The following RECK variants were observed in gnomAD, a reference collection of about 807,000 sequenced individuals.
The protein encoded by RECK is reversion-inducing cysteine-rich protein with Kazal motifs.
RECK carries 69 observed loss-of-function variants against 115.1 expected under a neutral mutation model. That is an observed-to-expected ratio of 0.60 (90% CI 0.49 to 0.73). RECK has a LOEUF of 0.73. Ranked by LOEUF, RECK falls within the 30% of genes least tolerant of loss-of-function variation. RECK has a pLI of 0.00. For missense variants in RECK, 1,047 were observed against 1,203.7 expected, an observed-to-expected ratio of 0.87 and a Z score of 1.93; for synonymous variants, 414 against 419.7, an observed-to-expected ratio of 0.99 and a Z score of 0.17.
At chr9:36,114,789 A>T (rs1206329899) in intron 16 of RECK, among the ~76,000 whole-genome samples, 1 of 151,990 alleles carries the variant, frequency 6.6e-6, no homozygotes, top group African/African-American at 2.4e-5. Context: ...AGGCTGCAGT[A>T]AGCCGAGATG....
chr9:36,104,133 C>T (rs574607585), intron 12 of RECK, among the ~76,000 whole-genome samples: 1 of 151,150 alleles, frequency 6.6e-6, no homozygotes, highest in South Asian at 2.1e-4. Flanking sequence ...TATGATAAAA[C>T]ACGCTAAATT....
At chr9:36,076,963 T>C (rs1193153896) in intron 6 of RECK, among the ~76,000 whole-genome samples, 1 of 152,176 alleles carries the variant, frequency 6.6e-6, no homozygotes, top group Non-Finnish European at 1.5e-5. Context: ...CTCTGCCCTT[T>C]GCTTGCTTAT....
rs1166101085 is a variant in RECK at position 36,036,917 on chromosome 9, GAGCGGCGGCGGT to G, written c.-72_-61del. On this transcript the variant is annotated 5_prime_UTR_variant, in exon 1 of 21. Coordinates refer to ENST00000377966, the MANE Select transcript of RECK (RefSeq NM_021111.3). Reference sequence around the variant, plus strand: ...GGGCGCTGGGGGCGGGGCCTCGCGCGAGCGGCGGCGGTAGCGGCGGCAGCGGCTGCGGCCAAG... The same window carrying G: ...GGGCGCTGGGGGCGGGGCCTCGCGCGAGCGGCGGCAGCGGCTGCGGCCAAG... 3 of 910,030 alleles carry G rather than the reference GAGCGGCGGCGGT, an allele frequency of 3.3e-6. No individual in the cohort carries two copies. The highest frequency in any genetic ancestry group is 3.6e-5 in the East Asian group (1 of 27,746). 56.4% of individuals were successfully genotyped at this position (910,030 alleles called of 1,614,324 possible).
intron 10 of RECK, 46 bp downstream of exon 10, chr9:36,091,389 T>G (rs1257555744): frequency 1.5e-6 from 2 of 1,310,950 alleles, no homozygotes; most frequent in African/African-American, 3.1e-5. Context: ...TTATCATTAA[T>G]TATAAATAAG....
intron 1 of RECK, among the ~76,000 whole-genome samples, chr9:36,051,900 C>T (rs1419749201): frequency 6.6e-6 from 1 of 152,150 alleles, no homozygotes; most frequent in African/African-American, 2.4e-5. Context: ...TATCAGTTGA[C>T]TTTTTATTAT....
At position 36,063,794 on chromosome 9, in the gene RECK, G is replaced by T. The variant is rs1588286198; in HGVS notation, c.272-1G>T. The T allele has an allele frequency of 6.2e-7, 1 of 1,613,748 alleles. No homozygotes were observed. The highest frequency in any genetic ancestry group is 8.5e-7 in the Non-Finnish European group (1 of 1,179,746). ...AAACATTTAAACATTTTGTTTTTAA[G>T]GTGTGTTTAAGAAGTCTGATGGCTG... On this transcript the variant is annotated splice_acceptor_variant, in intron 4 of 20. Transcript: ENST00000377966. LOFTEE classifies it high-confidence loss of function.
At chr9:36,065,211 A>G (rs1031216607) in intron 5 of RECK, among the ~76,000 whole-genome samples, 5 of 144,338 alleles carry the variant, frequency 3.5e-5, no homozygotes, top group African/African-American at 7.6e-5. Context: ...AAAATTTGCT[A>G]CAGAGTGGAA....
rs1407343124 is a variant in RECK, at chr9:36,108,142, T to C, written c.1743T>C (p.Cys581=). The change falls in exon 14 of 21, where the codon TGT becomes TGC. Residue 581 remains cysteine (C), a synonymous_variant. Coordinates refer to ENST00000377966, the MANE Select transcript of RECK (RefSeq NM_021111.3). Reference sequence around the variant, plus strand: ...ACTGTATAGACCTCCAGAAGTCTTGTATTGTTGGAGGAAAAAGAAAAAGTG... The same window carrying C: ...ACTGTATAGACCTCCAGAAGTCTTGCATTGTTGGAGGAAAAAGAAAAAGTG... ...EMHCIDLQKS[C]IVGGKRKSHG... is the part of the protein sequence containing the mutation. 3.8e-6 allele frequency: 6 copies of C among 1,589,994 alleles called. 1 individual carries two copies. Among genetic ancestry groups the C allele is most frequent in the Non-Finnish European group, 5.1e-6 (6 of 1,173,338 alleles).
chr9:36,122,991 C>T lies in RECK; in HGVS notation c.2862C>T (p.Leu954=). ...GVRARPSCHS[L]LLPLSLGLAL... is the part of the protein sequence containing the mutation. ...GGGCCAGGCCTTCTTGCCACTCCCT[C>T]CTCCTTCCCCTCAGCTTGGGCCTTG... is the stretch of plus-strand genomic sequence containing the variant. Residue 954 remains leucine (L), a synonymous_variant, in exon 21 of 21, where the codon CTC becomes CTT. Transcript: ENST00000377966. The T allele has an allele frequency of 6.2e-7, 1 of 1,614,134 alleles. No homozygotes were observed. The highest frequency in any genetic ancestry group is 8.5e-7 in the Non-Finnish European group (1 of 1,180,026).
intron 9 of RECK, 29 bp from the exon 10 acceptor site, chr9:36,091,135 C>T (rs758231132): frequency 1.6e-5 from 26 of 1,608,042 alleles, no homozygotes; most frequent in East Asian, 2.2e-5. Context: ...TGGCTCATGT[C>T]GGCTTCTGCA....
intron 8 of RECK, 37 bp from the exon 9 acceptor site, chr9:36,087,657 A>G (rs946550217): frequency 4.4e-6 from 7 of 1,588,570 alleles, no homozygotes; most frequent in Admixed American, 1.8e-5. Flanking sequence ...AAACAAAAAA[A>G]ACAGCTAATT....
intron 20 of RECK, 133 bp from the exon 21 acceptor site, chr9:36,122,691 G>C: frequency 1.5e-6 from 1 of 653,270 alleles, no homozygotes. Context: ...CTTTGGATAA[G>C]AACAGAAGGA....
At chr9:36,070,684 G>A (rs1375510143) in intron 6 of RECK, among the ~76,000 whole-genome samples, 2 of 152,166 alleles carry the variant, frequency 1.3e-5, no homozygotes, top group African/African-American at 4.8e-5. Context: ...ATGTGAAGGG[G>A]ATTTTTGCAA....
intron 1 of RECK, among the ~76,000 whole-genome samples, chr9:36,047,181 C>T (rs1430798910): frequency 6.6e-6 from 1 of 152,208 alleles, no homozygotes; most frequent in African/African-American, 2.4e-5. Flanking sequence ...TTCTAGAGCT[C>T]TTCAAAAGAG....
At position 36,087,762 on chromosome 9, in the gene RECK, A is replaced by C. The variant is rs745996628; in HGVS notation, c.706A>C (p.Lys236Gln). 1 of 1,614,018 alleles carries C rather than the reference A, an allele frequency of 6.2e-7. No homozygotes were observed. Among genetic ancestry groups the C allele is most frequent in the Non-Finnish European group, 8.5e-7 (1 of 1,179,910 alleles). ...QNACKRILMS[K>Q]KTEMEIVDGL... ...TGCCTGCAAGAGAATCCTGATGTCC[A>C]AGAAAACGGAAATGGAGATTGTTGA... The change falls in exon 9 of 21, where the codon AAG becomes CAG. Residue 236 changes from lysine to glutamine, a missense_variant. Transcript: ENST00000377966.
chr9:36,060,823 T>TA (rs1483888134), intron 4 of RECK, among the ~76,000 whole-genome samples: 3 of 152,180 alleles, frequency 2.0e-5, no homozygotes, highest in Non-Finnish European at 4.4e-5. Flanking sequence ...AACTTCTAGA[T>TA]ATCTTTGTAG....
At chr9:36,054,379 A>G (rs551431761) in intron 2 of RECK, among the ~76,000 whole-genome samples, 91 of 152,194 alleles carry the variant, frequency 6.0e-4, no homozygotes, top group African/African-American at 2.1e-3. Flanking sequence ...ATAAGAAGTC[A>G]GGGCTGGTAG....
Position 36,105,338 on chromosome 9 carries a change from T to G in RECK, c.1576+55T>G, listed in dbSNP as rs543368099. The G allele has an allele frequency of 1.9e-6, 3 of 1,570,860 alleles. No homozygotes were observed. The African/African-American group carries it at 4.1e-5, about 21-fold the overall frequency. On this transcript the variant is annotated intron_variant, in intron 13 of 20. Coordinates refer to ENST00000377966, the MANE Select transcript of RECK (RefSeq NM_021111.3). ...TGGATAGGTGCTGCTAGTGTTTCTTTATAGGAGCTATCTTTCTTTTTTTCA... is the reference window on the plus strand; with the variant it reads ...TGGATAGGTGCTGCTAGTGTTTCTTGATAGGAGCTATCTTTCTTTTTTTCA...
chr9:36,041,478 A>G (rs541059571), intron 1 of RECK, among the ~76,000 whole-genome samples: 75 of 152,350 alleles, frequency 4.9e-4, no homozygotes, highest in Non-Finnish European at 7.9e-4. Context: ...TAGTTGTTTC[A>G]TAATGATCAA....
Sources: gnomAD v4.1 joint callset for allele counts (sites outside exome capture counted in the v4.1 genomes callset) on GRCh38, gnomAD v4.1.1 for gene constraint, MANE v1.5 for transcripts, NCBI Gene and HGNC (gene_info 2026-07-23, HGNC 2026-07-21) for gene names.